The following PTBP1 variants were observed in gnomAD, a reference collection of about 807,000 sequenced individuals.
PTBP1 encodes polypyrimidine tract binding protein 1, also known as polypyrimidine tract-binding protein 1.
In PTBP1, 8 loss-of-function variants were observed where a neutral mutation model predicts 59.8. The ratio of observed to expected loss-of-function variants is 0.13; its 90% CI spans 0.08 to 0.24. The LOEUF (loss-of-function observed/expected upper bound fraction) is 0.24, where lower values mean the gene tolerates loss of function less well. PTBP1 is among the 10% of genes least tolerant of loss of function. PTBP1 has a pLI of 1.00. For synonymous variants in PTBP1, 490 were observed against 320.7 expected (o/e 1.53, Z -5.64); for missense variants, 686 against 767.0 (o/e 0.89, Z 1.25).
intron 9 of PTBP1, chr19:806,026 C>T (rs961721405): frequency 2.3e-4 from 54 of 237,934 alleles, no homozygotes; most frequent in Middle Eastern, 1.4e-3. Context: ...GACGGAGCAG[C>T]GCGTGCCGCC....
At chr19:803,658 G>C (rs910202221) in intron 3 of PTBP1, 22 bp downstream of exon 3, 1 of 1,606,330 alleles carries the variant, frequency 6.2e-7, no homozygotes, top group Non-Finnish European at 8.5e-7. Flanking sequence ...ACTCGGCCCA[G>C]GGCAAGACCC....
Position 804,047 on chromosome 19 carries a change from G to C in PTBP1, c.127G>C (p.Asp43His). ...CACCCCCTTTTCAGCAAACGGAAAT[G>C]ACAGCAAGAAGTTCAAAGGTGACAG... ...SNSASAANGN[D>H]SKKFKGDSRS... is the part of the protein sequence containing the mutation. The change falls in exon 4 of 15, where the codon GAC becomes CAC. Residue 43 changes from aspartate to histidine, a missense_variant. By Grantham distance (81) the Asp-to-His change is moderately conservative. Coordinates refer to ENST00000356948, the MANE Select transcript of PTBP1 (RefSeq NM_002819.5). 1 of 1,614,042 alleles carries C rather than the reference G, an allele frequency of 6.2e-7. No homozygotes were observed. Among genetic ancestry groups the C allele is most frequent in the Non-Finnish European group, 8.5e-7 (1 of 1,180,012 alleles).
Position 808,204 on chromosome 19 carries a change from C to T in PTBP1, c.1154-156C>T, listed in dbSNP as rs560901486. 2.7e-5 allele frequency: 18 copies of T among 679,068 alleles called. No individual in the cohort carries two copies. Among genetic ancestry groups the T allele is most frequent in the African/African-American group, 9.0e-5 (5 of 55,478 alleles). 42.1% of individuals were successfully genotyped at this position (679,068 alleles called of 1,614,324 possible). On this transcript the variant is annotated intron_variant, in intron 11 of 14. Coordinates refer to ENST00000356948, the MANE Select transcript of PTBP1 (RefSeq NM_002819.5). The surrounding 1 kb of genome is among the most constrained non-coding windows in gnomAD (Gnocchi z 4.7). Reference sequence around the variant, plus strand: ...CTGAACGGAGCTGCTCCTGTTAGCGCGCCCTGTGGCTGCGAGACGCAGCTC... The same window carrying T: ...CTGAACGGAGCTGCTCCTGTTAGCGTGCCCTGTGGCTGCGAGACGCAGCTC...
At position 805,484 on chromosome 19, in the gene PTBP1, A is replaced by G; in HGVS notation, c.893-8A>G. The G allele has an allele frequency of 6.2e-7, 1 of 1,611,348 alleles. No individual in the cohort carries two copies. The highest frequency in any genetic ancestry group is 8.5e-7 in the Non-Finnish European group (1 of 1,177,592). ...GGGTGCGATGATTAGTGTCTCATTT[A>G]TTTCTAGGTGCACCTGGTATAATCT... On this transcript the variant is annotated splice_region_variant and splice_polypyrimidine_tract_variant and intron_variant, in intron 8 of 14. Coordinates refer to ENST00000356948, the MANE Select transcript of PTBP1 (RefSeq NM_002819.5).
At position 805,642 on chromosome 19, in the gene PTBP1, ACGG is replaced by A. The variant is rs970837191; in HGVS notation, c.970+78_970+80del. The A allele has an allele frequency of 4.5e-6, 6 of 1,333,012 alleles. No homozygotes were observed. The African/African-American group carries it at 8.7e-5, about 19-fold the overall frequency. The allele number at this position is 1,333,012 out of a possible 1,614,324, so 82.6% of individuals were successfully genotyped here. On this transcript the variant is annotated intron_variant, in intron 9 of 14. Coordinates refer to ENST00000356948, the MANE Select transcript of PTBP1 (RefSeq NM_002819.5). ...CACCTTCCCAGGCAGCTCCGCATCC[ACGG>A]CGGCAGCCTGGGCGGACTGGGCACT...
Position 805,284 on chromosome 19 carries a change from G to C in PTBP1, c.892+97G>C, listed in dbSNP as rs1568269997. 6 of 1,395,876 alleles carry C rather than the reference G, an allele frequency of 4.3e-6. No homozygotes were observed. In the East Asian group the frequency reaches 1.4e-4, roughly 32 times the overall value. 86.5% of individuals were successfully genotyped at this position (1,395,876 alleles called of 1,614,324 possible). On this transcript the variant is annotated intron_variant, in intron 8 of 14. Coordinates refer to ENST00000356948, the MANE Select transcript of PTBP1 (RefSeq NM_002819.5). ...GGCACGGGCCCGGCCCTGCACCAGGGTGATGCACCTGCTGCTCTCTGCACG... is the reference window on the plus strand; with the variant it reads ...GGCACGGGCCCGGCCCTGCACCAGGCTGATGCACCTGCTGCTCTCTGCACG...
chr19:808,204 C>G lies in PTBP1; in HGVS notation c.1154-156C>G. 2.9e-6 allele frequency: 2 copies of G among 679,068 alleles called. No individual in the cohort carries two copies. Among genetic ancestry groups the G allele is most frequent in the Admixed American group, 5.2e-5 (2 of 38,696 alleles). 42.1% of individuals were successfully genotyped at this position (679,068 alleles called of 1,614,324 possible). ...CTGAACGGAGCTGCTCCTGTTAGCG[C>G]GCCCTGTGGCTGCGAGACGCAGCTC... On this transcript the variant is annotated intron_variant, in intron 11 of 14. Transcript: ENST00000356948. This position sits in a 1 kb window ranked among gnomAD's most constrained non-coding sequence, Gnocchi z 4.7.
intron 8 of PTBP1, 28 bp from the exon 9 acceptor site, chr19:805,464 C>A: frequency 1.3e-6 from 2 of 1,590,342 alleles, no homozygotes; most frequent in Non-Finnish European, 1.7e-6. Context: ...GTTGTGGGTG[C>A]GATGATTAGT....
At chr19:800,890 C>T (rs1338756372) in intron 2 of PTBP1, among the ~76,000 whole-genome samples, 1 of 152,068 alleles carries the variant, frequency 6.6e-6, no homozygotes, top group Admixed American at 6.5e-5. Flanking sequence ...TGGGCTGGGA[C>T]GTTGAAGCCC....
intron 8 of PTBP1, 55 bp downstream of exon 8, chr19:805,242 C>G: frequency 6.3e-7 from 1 of 1,583,192 alleles, no homozygotes. Flanking sequence ...TAGGGCCGCT[C>G]AGTCCGGAGC....
rs1354435519 is a variant in PTBP1 at position 808,933 on chromosome 19, A to AG, written c.1463+174dup. ...TGGAGCTTGAGCCGAGGGCTGCTCAAGGGAGGGGGTCGTTGGACACTTTGG... is the reference window on the plus strand; with the variant it reads ...TGGAGCTTGAGCCGAGGGCTGCTCAAGGGGAGGGGGTCGTTGGACACTTTGG... On this transcript the variant is annotated intron_variant, in intron 13 of 14. Transcript: ENST00000356948. The surrounding 1 kb of genome is among the most constrained non-coding windows in gnomAD (Gnocchi z 4.7). 6.6e-6 allele frequency among the ~76,000 whole-genome samples: 1 copy of AG among 152,170 alleles called. No homozygotes were observed. Among genetic ancestry groups the AG allele is most frequent in the Non-Finnish European group, 1.5e-5 (1 of 68,038 alleles).
chr19:809,385 G>C (rs1043763434), intron 13 of PTBP1, among the ~76,000 whole-genome samples: 1 of 151,632 alleles, frequency 6.6e-6, no homozygotes. Flanking sequence ...GTGCAGTGGC[G>C]GGATCTCTGC....
intron 1 of PTBP1, 110 bp from the exon 2 acceptor site, chr19:799,303 G>A: frequency 1.0e-6 from 1 of 964,072 alleles, no homozygotes; most frequent in African/African-American, 1.6e-5. Flanking sequence ...GAGCCCTGCG[G>A]AGGTGGCAGC....
chr19:811,130 G>T lies in PTBP1; in HGVS notation c.*304G>T, dbSNP rs562038406. ...TCGGGCGTGGGGCCTGCAGGTGGGC[G>T]CCCCGACCACGACTTGGCTTCCTTG... On this transcript the variant is annotated 3_prime_UTR_variant, in exon 15 of 15. Transcript: ENST00000356948. 1 of 277,028 alleles carries T rather than the reference G, an allele frequency of 3.6e-6. No homozygotes were observed. The highest frequency in any genetic ancestry group is 5.4e-5 in the Admixed American group (1 of 18,448). 17.2% of individuals were successfully genotyped at this position (277,028 alleles called of 1,614,324 possible).
intron 2 of PTBP1, among the ~76,000 whole-genome samples, chr19:802,827 T>G (rs1273995322): frequency 6.6e-6 from 1 of 152,236 alleles, no homozygotes; most frequent in Non-Finnish European, 1.5e-5. Context: ...TCTTAGAAGT[T>G]GATCCAATTA....
chr19:803,144 G>A (rs543585162), intron 2 of PTBP1, among the ~76,000 whole-genome samples: 5 of 152,228 alleles, frequency 3.3e-5, no homozygotes, highest in African/African-American at 1.2e-4. Context: ...GTGCTGCTGG[G>A]GGGGCTGGCT....
rs553784457 is a variant in PTBP1 at position 803,311 on chromosome 19, A to G, written c.40-250A>G. Among the ~76,000 whole-genome samples the G allele has an allele frequency of 3.9e-5, 6 of 152,296 alleles. 1 individual carries two copies. In the South Asian group the frequency reaches 6.2e-4, roughly 16 times the overall value. ...GTAGCTGAGAGCCTCCCAGCCCCACACTGGCTGAGTACCCAGGGCTTCCAG... is the reference window on the plus strand; with the variant it reads ...GTAGCTGAGAGCCTCCCAGCCCCACGCTGGCTGAGTACCCAGGGCTTCCAG... On this transcript the variant is annotated intron_variant, in intron 2 of 14. Coordinates refer to ENST00000356948, the MANE Select transcript of PTBP1 (RefSeq NM_002819.5).
intron 2 of PTBP1, among the ~76,000 whole-genome samples, chr19:799,768 T>C (rs1028929841): frequency 6.6e-6 from 1 of 152,186 alleles, no homozygotes; most frequent in Non-Finnish European, 1.5e-5. Flanking sequence ...ATCGTGCCGT[T>C]CAGTGGGAAA....
Position 804,912 on chromosome 19 carries a change from C to A in PTBP1, c.690C>A (p.Asp230Glu). Residue 230 changes from aspartate to glutamate, a missense_variant, in exon 7 of 15, where the codon GAC becomes GAA. Asp to Glu is a conservative substitution (Grantham distance 45). Transcript: ENST00000356948. ...NQFQALLQYADPVSAQHAKLS... is the reference protein window; with the variant it reads ...NQFQALLQYAEPVSAQHAKLS... ...TCCAGGCCCTGCTGCAGTATGCGGACCCCGTGAGCGCCCAGCACGCCAAGC... is the reference window on the plus strand; with the variant it reads ...TCCAGGCCCTGCTGCAGTATGCGGAACCCGTGAGCGCCCAGCACGCCAAGC... The A allele has an allele frequency of 6.2e-7, 1 of 1,613,874 alleles. No homozygotes were observed. The highest frequency in any genetic ancestry group is 2.2e-5 in the East Asian group (1 of 44,852).
Sources: gnomAD v4.1 joint callset for allele counts (sites outside exome capture counted in the v4.1 genomes callset) on GRCh38, gnomAD v4.1.1 for gene constraint, Gnocchi (gnomAD v3.1) non-coding constraint, MANE v1.5 for transcripts, NCBI Gene and HGNC (gene_info 2026-07-23, HGNC 2026-07-21) for gene names.